The following UNC79 variants were observed in gnomAD, a reference collection of about 807,000 sequenced individuals.
UNC79 encodes the protein protein unc-79 homolog.
Under a neutral mutation model 283.1 loss-of-function variants are expected in UNC79, and 37 were observed. The ratio of observed to expected loss-of-function variants is 0.13; its 90% CI spans 0.10 to 0.17. The LOEUF is 0.17. Among genes scored for constraint, UNC79 ranks in the 10% least tolerant of loss-of-function variants. The probability of loss-of-function intolerance (pLI) is 1.00; values close to 1 mark genes in which losing one functional copy is unlikely to be tolerated. For synonymous variants in UNC79, 1,107 were observed against 1,200.2 expected (o/e 0.92, Z 1.61); for missense variants, 2,272 against 3,211.1 (o/e 0.71, Z 7.07).
intron 14 of UNC79, among the ~76,000 whole-genome samples, chr14:93,545,097 G>T (rs2061535927): frequency 6.6e-6 from 1 of 152,068 alleles, no homozygotes; most frequent in Non-Finnish European, 1.5e-5. Context: ...TTAATTACTG[G>T]CAAAATGGGC....
At chr14:93,525,677 C>T (rs1312404755) in intron 8 of UNC79, among the ~76,000 whole-genome samples, 1 of 152,034 alleles carries the variant, frequency 6.6e-6, no homozygotes, top group Non-Finnish European at 1.5e-5. Flanking sequence ...TCTTATTATC[C>T]TTCTTTTCTT....
chr14:93,673,697 A>G (rs1242926364), intron 41 of UNC79, among the ~76,000 whole-genome samples: 1 of 152,128 alleles, frequency 6.6e-6, no homozygotes, highest in Non-Finnish European at 1.5e-5. Context: ...GGGGTTAAAA[A>G]GAAGAATAAA....
chr14:93,431,424 G>T (rs1033983809), intron 1 of UNC79, among the ~76,000 whole-genome samples: 6 of 151,882 alleles, frequency 4.0e-5, no homozygotes, highest in Non-Finnish European at 8.8e-5. Context: ...CAAATCAGGG[G>T]CGGGGAACTG....
chr14:93,601,247 C>T (rs1455872063), intron 25 of UNC79, among the ~76,000 whole-genome samples: 2 of 148,452 alleles, frequency 1.3e-5, no homozygotes, highest in Non-Finnish European at 1.5e-5. Flanking sequence ...TTATCCCTCA[C>T]CCCCCTTCCA....
intron 47 of UNC79, among the ~76,000 whole-genome samples, chr14:93,704,002 C>G (rs2075706489): frequency 6.6e-6 from 1 of 152,180 alleles, no homozygotes; most frequent in African/African-American, 2.4e-5. Context: ...CACCTATGAC[C>G]TCCTCCCAGG....
At chr14:93,586,889 G>T (rs184571396) in exon 22 of UNC79, 2 of 1,613,832 alleles carry the variant, frequency 1.2e-6, no homozygotes, top group Non-Finnish European at 1.7e-6. Context: ...CTACATTCAG[G>T]ACCACATGTT....
chr14:93,428,558 C>T (rs556162717), upstream of UNC79, among the ~76,000 whole-genome samples: 6 of 152,236 alleles, frequency 3.9e-5, no homozygotes, highest in South Asian at 1.2e-3. Context: ...AGTTAATGGG[C>T]ATGTCAGAAG....
intron 42 of UNC79, among the ~76,000 whole-genome samples, chr14:93,685,928 G>A (rs1335623698): frequency 6.6e-6 from 1 of 152,146 alleles, no homozygotes; most frequent in Non-Finnish European, 1.5e-5. Context: ...CAAGCATGTG[G>A]GGAAGATGAC....
At chr14:93,571,966 C>A in exon 15 of UNC79, 1 of 1,614,222 alleles carries the variant, frequency 6.2e-7, no homozygotes. Flanking sequence ...AATCCTCTGC[C>A]TGATCCCCTA....
chr14:93,444,693 G>GT (rs1201478556), intron 1 of UNC79, among the ~76,000 whole-genome samples: 1 of 152,028 alleles, frequency 6.6e-6, no homozygotes, highest in South Asian at 2.1e-4. Context: ...TGGTACCTTT[G>GT]TTGATAGTCA....
chr14:93,343,193 C>T (rs11626021), intron 1 of UNC79, among the ~76,000 whole-genome samples: 11,206 of 152,242 alleles, frequency 0.074, 871 homozygotes, highest in African/African-American at 0.19. Context: ...TGTTTTTACA[C>T]TGCTATAAAG....
At chr14:93,358,479 A>G (rs1449418759) in intron 1 of UNC79, among the ~76,000 whole-genome samples, 1 of 152,208 alleles carries the variant, frequency 6.6e-6, no homozygotes, top group Non-Finnish European at 1.5e-5. Context: ...GTAGAAAAAC[A>G]GACACAAGCT....
chr14:93,638,138 A>G (rs2068678356), intron 32 of UNC79, among the ~76,000 whole-genome samples: 1 of 152,246 alleles, frequency 6.6e-6, no homozygotes, highest in South Asian at 2.1e-4. Context: ...GTAGAAAAGC[A>G]GAATACCCAG....
intron 34 of UNC79, among the ~76,000 whole-genome samples, chr14:93,644,907 A>G (rs887143509): frequency 6.6e-6 from 1 of 152,164 alleles, no homozygotes; most frequent in African/African-American, 2.4e-5. Flanking sequence ...GCATCTCAAG[A>G]CTTCAAAATA....
chr14:93,437,973 A>C (rs1381962825), intron 1 of UNC79, among the ~76,000 whole-genome samples: 1 of 152,168 alleles, frequency 6.6e-6, no homozygotes, highest in Non-Finnish European at 1.5e-5. Flanking sequence ...CTTTTGGGGG[A>C]TACAATTCAA....
chr14:93,662,030 G>T (rs925930768), intron 39 of UNC79, among the ~76,000 whole-genome samples: 1 of 152,160 alleles, frequency 6.6e-6, no homozygotes, highest in African/African-American at 2.4e-5. Flanking sequence ...GTTTCTAAAT[G>T]ACTTAAGAAA....
intron 7 of UNC79, among the ~76,000 whole-genome samples, chr14:93,499,035 G>A (rs1348920958): frequency 6.6e-6 from 1 of 152,214 alleles, no homozygotes; most frequent in Non-Finnish European, 1.5e-5. Context: ...GAATTCAGGT[G>A]TCTGATTTAC....
rs563407347 is a variant in UNC79 at position 93,679,944 on chromosome 14, G to A, written c.6742-2673G>A. On this transcript the variant is annotated intron_variant, in intron 41 of 48. Transcript: ENST00000555664. ...TAGATTTTTTTTCAGTTTATGGTTGGCAGCCATAGAAAACAAAGACAGAAA... is the reference window on the plus strand; with the variant it reads ...TAGATTTTTTTTCAGTTTATGGTTGACAGCCATAGAAAACAAAGACAGAAA... Among the ~76,000 whole-genome samples, 5 of 152,044 alleles carry A rather than the reference G, an allele frequency of 3.3e-5. No individual in the cohort carries two copies. The South Asian group carries it at 1.0e-3, about 32-fold the overall frequency.
chr14:93,481,037 C>T (rs2058107280), intron 4 of UNC79, among the ~76,000 whole-genome samples: 1 of 152,154 alleles, frequency 6.6e-6, no homozygotes, highest in East Asian at 1.9e-4. Context: ...GGTATTGCAG[C>T]TCTTCAGAGT....
Sources: allele counts gnomAD v4.1 joint callset (sites outside exome capture counted in the v4.1 genomes callset), GRCh38; gene constraint gnomAD v4.1.1; transcripts MANE v1.5; gene names NCBI Gene and HGNC (gene_info 2026-07-23, HGNC 2026-07-21).